ALOX12: variants seen among roughly 807,000 people sequenced by gnomAD.
ALOX12 encodes the protein polyunsaturated fatty acid lipoxygenase ALOX12.
ALOX12 carries 62 observed loss-of-function variants against 85.5 expected under a neutral mutation model. The ratio of observed to expected loss-of-function variants is 0.73; its 90% confidence interval spans 0.59 to 0.90. The LOEUF (loss-of-function observed/expected upper bound fraction) is 0.90. Ranked by LOEUF, ALOX12 falls within the 40% of genes least tolerant of loss-of-function variation. ALOX12 has a pLI of 0.00. For missense variants in ALOX12, 751 were observed against 856.5 expected (o/e 0.88, Z 1.54); for synonymous variants, 299 against 332.7 (o/e 0.90, Z 1.10).
chr17:6,996,351 AG>A (rs2151637691), intron 1 of ALOX12, 99 bp downstream of exon 1: 1 of 1,192,838 alleles, frequency 8.4e-7, no homozygotes, highest in Non-Finnish European at 1.0e-6. Flanking sequence ...GCTGGGGGCG[AG>A]GTGACAGCGC....
chr17:7,006,445 C>A, intron 10 of ALOX12, 41 bp from the exon 11 acceptor site: 5 of 1,610,326 alleles, frequency 3.1e-6, no homozygotes, highest in Non-Finnish European at 3.4e-6. Context: ...AGGTCAGAGG[C>A]GGGGGCTTTC....
intron 11 of ALOX12, among the ~76,000 whole-genome samples, chr17:7,007,781 T>C (rs981972524): frequency 2.0e-5 from 3 of 152,084 alleles, no homozygotes; most frequent in African/African-American, 7.2e-5. Context: ...CTCGGGAGGC[T>C]GAGGCAGGAG....
intron 8 of ALOX12, 44 bp from the exon 9 acceptor site, chr17:7,005,213 G>A (rs778458434): frequency 7.7e-6 from 12 of 1,562,944 alleles, no homozygotes; most frequent in Middle Eastern, 1.7e-4. Context: ...AAGGACCCAA[G>A]CATGGCCTCC....
chr17:6,998,191 A>AT (rs554866291), intron 2 of ALOX12, among the ~76,000 whole-genome samples: 35 of 152,198 alleles, frequency 2.3e-4, no homozygotes, highest in African/African-American at 7.9e-4. Flanking sequence ...AATTAAGGTG[A>AT]TTTTTTTCCA....
Position 6,996,959 on chromosome 17 carries a change from C to G in ALOX12, c.269C>G (p.Ala90Gly). 6.3e-7 allele frequency: 1 copy of G among 1,590,406 alleles called. No individual in the cohort carries two copies. Among genetic ancestry groups the G allele is most frequent in the East Asian group, 2.3e-5 (1 of 43,674 alleles). The change falls in exon 2 of 14, where the codon GCG (alanine) becomes GGG (glycine). Residue 90 changes from alanine to glycine, a missense_variant. Transcript: ENST00000251535. ...RITVQGPGAC[A>G]EVAFPCYRWV... ...ACGGTGCAGGGCCCTGGAGCCTGCG[C>G]GGAGGTGGCCTTCCCGTGCTACCGC...
chr17:6,999,524 A>G, intron 6 of ALOX12, 58 bp downstream of exon 6: 1 of 1,576,962 alleles, frequency 6.3e-7, no homozygotes, highest in South Asian at 1.1e-5. Flanking sequence ...GTGAGAACGG[A>G]CAGAGAGAAT....
intron 9 of ALOX12, 116 bp downstream of exon 9, chr17:7,005,459 CT>C: frequency 4.2e-6 from 3 of 716,210 alleles, no homozygotes; most frequent in Non-Finnish European, 4.6e-6. Context: ...GAACCTGTCC[CT>C]TTTATACCCA....
In ALOX12 at chr17:7,001,695, A is replaced by G; in HGVS notation, c.1045A>G (p.Asn349Asp). Residue 349 changes from asparagine (N) to aspartate (D), a missense_variant, in exon 8 of 14, where the codon AAT becomes GAT. Transcript: ENST00000251535. Reference sequence around the variant, plus strand: ...GCTCCTGGCAAAGTCCTGGGTCCGAAATTCAGATTTCCAACTGCACGAGAT... The same window carrying G: ...GCTCCTGGCAAAGTCCTGGGTCCGAGATTCAGATTTCCAACTGCACGAGAT... The part of the protein sequence containing the change: ...AWLLAKSWVR[N>D]SDFQLHEIQY... 1.2e-6 allele frequency: 2 copies of G among 1,614,172 alleles called. No homozygotes were observed. Among genetic ancestry groups the G allele is most frequent in the Middle Eastern group, 1.6e-4 (1 of 6,062 alleles).
intron 1 of ALOX12, 102 bp downstream of exon 1, chr17:6,996,354 T>C: frequency 8.4e-7 from 1 of 1,184,482 alleles, no homozygotes; most frequent in Non-Finnish European, 1.1e-6. Flanking sequence ...GGGGGCGAGG[T>C]GACAGCGCGA....
At chr17:7,009,924 C>T in intron 12 of ALOX12, 32 bp from the exon 13 acceptor site, 1 of 1,613,986 alleles carries the variant, frequency 6.2e-7, no homozygotes, top group Non-Finnish European at 8.5e-7. Context: ...CCCTAAGTAC[C>T]AGGGTTCTAG....
At chr17:7,009,653 T>A in intron 11 of ALOX12, 94 bp from the exon 12 acceptor site, 1 of 1,060,214 alleles carries the variant, frequency 9.4e-7, no homozygotes, top group Non-Finnish European at 1.4e-6. Flanking sequence ...ATAAACAAAT[T>A]CATCAATTCT....
At chr17:7,002,616 G>A (rs752526291) in intron 8 of ALOX12, 38 of 411,242 alleles carry the variant, frequency 9.2e-5, no homozygotes, top group South Asian at 4.0e-4. Context: ...AGCAAGTCCC[G>A]GTCTCTAAAT....
intron 8 of ALOX12, among the ~76,000 whole-genome samples, 161 bp from the exon 9 acceptor site, chr17:7,005,096 G>A (rs552285719): frequency 7.2e-5 from 11 of 152,304 alleles, no homozygotes; most frequent in African/African-American, 2.6e-4. Context: ...CAACTCACAG[G>A]GAAGTTGGAG....
chr17:7,001,920 G>A (rs1908733115), intron 8 of ALOX12, 109 bp downstream of exon 8: 2 of 873,936 alleles, frequency 2.3e-6, no homozygotes, highest in Admixed American at 2.4e-5. Context: ...ATTTGTGAGT[G>A]AAGAGGAGAC....
At chr17:7,008,223 T>C (rs1909184708) in intron 11 of ALOX12, among the ~76,000 whole-genome samples, 1 of 152,198 alleles carries the variant, frequency 6.6e-6, no homozygotes, top group African/African-American at 2.4e-5. Context: ...TCATGACACA[T>C]GTTAACTTTA....
intron 6 of ALOX12, among the ~76,000 whole-genome samples, chr17:6,999,798 G>A (rs527776070): frequency 2.0e-5 from 3 of 152,276 alleles, no homozygotes; most frequent in Non-Finnish European, 4.4e-5. Context: ...GGGGAGAATC[G>A]GGGAGGCTTT....
rs189431651 is a variant in ALOX12, at chr17:7,000,278, C to T, written c.808-58C>T. The T allele has an allele frequency of 8.0e-5, 128 of 1,595,150 alleles. No individual in the cohort carries two copies. The East Asian group carries it at 2.1e-3, about 26-fold the overall frequency. Reference sequence around the variant, plus strand: ...AGACTAAATCTCTTGCCCTTTGCCCCGGCCCCCTGGGGGTAGACTTTGAAC... The same window carrying T: ...AGACTAAATCTCTTGCCCTTTGCCCTGGCCCCCTGGGGGTAGACTTTGAAC... On this transcript the variant is annotated intron_variant, in intron 6 of 13. Coordinates refer to ENST00000251535, the MANE Select transcript of ALOX12 (RefSeq NM_000697.3). The surrounding 1 kb of genome is among the most constrained non-coding windows in gnomAD (Gnocchi z 4.6).
At chr17:6,998,329 A>C (rs918543633) in intron 2 of ALOX12, among the ~76,000 whole-genome samples, 180 bp from the exon 3 acceptor site, 1 of 152,232 alleles carries the variant, frequency 6.6e-6, no homozygotes, top group Admixed American at 6.5e-5. Context: ...GCAGGAGTGC[A>C]AAGTTGGCAA....
chr17:6,996,308 G>T, intron 1 of ALOX12, 56 bp downstream of exon 1: 1 of 1,218,878 alleles, frequency 8.2e-7, no homozygotes, highest in African/African-American at 1.6e-5. Flanking sequence ...CCCAGGCCCG[G>T]GCCGAGCTGG....
Sources: allele counts gnomAD v4.1 joint callset (sites outside exome capture counted in the v4.1 genomes callset), GRCh38; gene constraint gnomAD v4.1.1; non-coding constraint Gnocchi (gnomAD v3.1); transcripts MANE v1.5; gene names NCBI Gene and HGNC (gene_info 2026-07-23, HGNC 2026-07-21).